The following TASP1 variants were observed in gnomAD, a reference collection of about 807,000 sequenced individuals.
TASP1 encodes the protein taspase 1.
A neutral mutation model predicts 56.6 loss-of-function variants in TASP1; 16 were observed. The observed-to-expected ratio is 0.28, with a 90% confidence interval of 0.19 to 0.43. The LOEUF (loss-of-function observed/expected upper bound fraction) is 0.43. TASP1 is among the 20% of genes least tolerant of loss of function. The probability of loss-of-function intolerance (pLI) is 1.00; values close to 1 mark genes in which losing one functional copy is unlikely to be tolerated. For synonymous variants in TASP1, 179 were observed against 184.2 expected, an observed-to-expected ratio of 0.97 and a Z score of 0.23; for missense variants, 393 against 511.6, an observed-to-expected ratio of 0.77 and a Z score of 2.24.
At chr20:13,227,609 C>T in the TASP1 span, among the ~76,000 whole-genome samples, 27 of 151,530 alleles carry the variant, frequency 1.8e-4, no homozygotes, top group East Asian at 1.8e-3. Flanking sequence ...CCTGGCTTCA[C>T]GCCATTCTCC....
intron 6 of TASP1, among the ~76,000 whole-genome samples, chr20:13,575,087 A>C (rs977644887): frequency 1.6e-4 from 25 of 152,216 alleles, no homozygotes; most frequent in Non-Finnish European, 3.5e-4. Context: ...AGCAAACTGA[A>C]GCCAACAATA....
the TASP1 span, among the ~76,000 whole-genome samples, chr20:13,207,429 T>C: frequency 6.6e-6 from 1 of 152,136 alleles, no homozygotes; most frequent in Non-Finnish European, 1.5e-5. Context: ...TAGATAGACA[T>C]AGACAGACAC....
At chr20:13,251,384 G>A in the TASP1 span, among the ~76,000 whole-genome samples, 1 of 152,226 alleles carries the variant, frequency 6.6e-6, no homozygotes, top group East Asian at 1.9e-4. Flanking sequence ...AAGTGATGGA[G>A]AGTGTGAAGG....
chr20:13,484,362 G>A (rs1395496438), intron 10 of TASP1, among the ~76,000 whole-genome samples: 2 of 152,212 alleles, frequency 1.3e-5, no homozygotes, highest in African/African-American at 4.8e-5. Flanking sequence ...GCACCCGTAT[G>A]TTTCTAGCAG....
intron 5 of TASP1, among the ~76,000 whole-genome samples, chr20:13,585,506 T>C (rs530722396): frequency 2.0e-5 from 3 of 152,196 alleles, no homozygotes; most frequent in South Asian, 4.1e-4. Flanking sequence ...ATAAAAGATA[T>C]AATCAAATAA....
the TASP1 span, among the ~76,000 whole-genome samples, chr20:13,237,079 A>G: frequency 6.6e-6 from 1 of 152,208 alleles, no homozygotes; most frequent in South Asian, 2.1e-4. Flanking sequence ...TCCCTTCTGC[A>G]CTGCCCTAGA....
At chr20:13,543,141 G>A (rs1444530538) in intron 8 of TASP1, among the ~76,000 whole-genome samples, 1 of 152,022 alleles carries the variant, frequency 6.6e-6, no homozygotes, top group Non-Finnish European at 1.5e-5. Context: ...TCCAACACTA[G>A]CCTCATCTCT....
At chr20:13,249,439 C>T in the TASP1 span, among the ~76,000 whole-genome samples, 1 of 152,174 alleles carries the variant, frequency 6.6e-6, no homozygotes, top group East Asian at 1.9e-4. Flanking sequence ...CATGGCAGGA[C>T]CACACGGAGT....
chr20:13,310,916 A>G, the TASP1 span, among the ~76,000 whole-genome samples: 1 of 152,236 alleles, frequency 6.6e-6, no homozygotes, highest in Non-Finnish European at 1.5e-5. Context: ...TAAAGAGGCC[A>G]GGCACGGTGG....
the TASP1 span, among the ~76,000 whole-genome samples, chr20:13,313,571 C>T: frequency 6.6e-6 from 1 of 152,160 alleles, no homozygotes; most frequent in African/African-American, 2.4e-5. Context: ...TATTCGGGCT[C>T]GGGAGACTGC....
the TASP1 span, among the ~76,000 whole-genome samples, chr20:13,121,587 C>A: frequency 6.6e-6 from 1 of 152,220 alleles, no homozygotes; most frequent in South Asian, 2.1e-4. Context: ...GACCTCTAAC[C>A]CACCCTGAAG....
the TASP1 span, among the ~76,000 whole-genome samples, chr20:13,105,388 C>T: frequency 1.3e-5 from 2 of 152,170 alleles, no homozygotes; most frequent in African/African-American, 4.8e-5. Context: ...TCAAACACAA[C>T]GAAGTCCCTG....
intron 4 of TASP1, among the ~76,000 whole-genome samples, chr20:13,588,313 A>G (rs1428457860): frequency 1.9e-4 from 19 of 101,700 alleles, no homozygotes; most frequent in African/African-American, 6.3e-4. Context: ...AAGGAAGAGA[A>G]AGAAAAGGAA....
At chr20:13,335,878 G>A in the TASP1 span, among the ~76,000 whole-genome samples, 21,352 of 152,026 alleles carry the variant, frequency 0.14, 1,841 homozygotes, top group African/African-American at 0.21. Context: ...AGACAGAACA[G>A]GGAGACAAAC....
the TASP1 span, among the ~76,000 whole-genome samples, chr20:13,356,636 A>G: frequency 1.3e-5 from 2 of 152,220 alleles, no homozygotes; most frequent in African/African-American, 4.8e-5. Context: ...TTATCAAAGC[A>G]TGAGATGCTC....
chr20:13,227,761 G>A, the TASP1 span, among the ~76,000 whole-genome samples: 21 of 145,650 alleles, frequency 1.4e-4, no homozygotes, highest in Middle Eastern at 8.1e-3. Context: ...TCTCGCCTCT[G>A]CCTCCCAAAG....
intron 11 of TASP1, among the ~76,000 whole-genome samples, chr20:13,459,289 T>C (rs1463787982): frequency 6.6e-6 from 1 of 152,110 alleles, no homozygotes; most frequent in African/African-American, 2.4e-5. Flanking sequence ...AGAATCTCAC[T>C]AACCACCCCT....
the TASP1 span, among the ~76,000 whole-genome samples, chr20:13,272,801 G>A: frequency 9.9e-5 from 15 of 152,194 alleles, no homozygotes; most frequent in Non-Finnish European, 1.6e-4. Context: ...ACTTCATACC[G>A]TTGCTCAACC....
At chr20:13,311,487 A>C in the TASP1 span, among the ~76,000 whole-genome samples, 1 of 152,208 alleles carries the variant, frequency 6.6e-6, no homozygotes, top group African/African-American at 2.4e-5. Context: ...CTGCATCTTC[A>C]TGTTCATTGC....
Sources: gnomAD v4.1 joint callset for allele counts (sites outside exome capture counted in the v4.1 genomes callset) on GRCh38, gnomAD v4.1.1 for gene constraint, MANE v1.5 for transcripts, NCBI Gene and HGNC (gene_info 2026-07-23, HGNC 2026-07-21) for gene names.